The following NOXA1 variants were observed in gnomAD, a reference collection of about 807,000 sequenced individuals.
NOXA1 encodes the protein NADPH oxidase activator 1.
In NOXA1, 56 loss-of-function variants were observed where a neutral mutation model predicts 64.8. The ratio of observed to expected loss-of-function variants is 0.86; its 90% CI spans 0.70 to 1.08. The LOEUF is 1.08. NOXA1 is among the 50% of genes least tolerant of loss of function. NOXA1 has a pLI of 0.00. For missense variants in NOXA1, 668 were observed against 658.5 expected, an observed-to-expected ratio of 1.01 and a Z score of -0.16; for synonymous variants, 295 against 294.8, an observed-to-expected ratio of 1.00 and a Z score of -0.01.
chr9:137,430,881 C>A (rs1465709212), intron 6 of NOXA1, 38 bp downstream of exon 6: 3 of 1,554,310 alleles, frequency 1.9e-6, no homozygotes, highest in Non-Finnish European at 2.6e-6. Context: ...CCTGGCCTCA[C>A]CCAGCTTTCT....
chr9:137,427,244 T>C (rs1288719626), intron 2 of NOXA1, among the ~76,000 whole-genome samples: 1 of 152,164 alleles, frequency 6.6e-6, no homozygotes, highest in Non-Finnish European at 1.5e-5. Context: ...GTGTGAGAAC[T>C]ACGAGCAGAT....
chr9:137,426,205 C>G, intron 1 of NOXA1, 43 bp from the exon 2 acceptor site: 1 of 1,544,950 alleles, frequency 6.5e-7, no homozygotes, highest in East Asian at 2.2e-5. Flanking sequence ...GCTGCGTGAC[C>G]AGGTTACAGA....
rs1021230079 is a variant in NOXA1, at chr9:137,431,173, G to A, written c.699-63G>A. The A allele has an allele frequency of 2.7e-5, 43 of 1,610,740 alleles. No homozygotes were observed. The Admixed American group carries it at 2.7e-4, about 10-fold the overall frequency. On this transcript the variant is annotated intron_variant, in intron 7 of 13. Transcript: ENST00000683555. This position sits in a 1 kb window ranked among gnomAD's most constrained non-coding sequence, Gnocchi z 5.6. Reference sequence around the variant, plus strand: ...GCAGAGGCCCTCCACATGGGGCCACGCGGGCCGGGCACAGGAGGGCAGTCA... The same window carrying A: ...GCAGAGGCCCTCCACATGGGGCCACACGGGCCGGGCACAGGAGGGCAGTCA...
intron 2 of NOXA1, 77 bp from the exon 3 acceptor site, chr9:137,427,956 C>T (rs556331358): frequency 1.3e-4 from 127 of 1,001,840 alleles, no homozygotes; most frequent in African/African-American, 1.1e-3. Flanking sequence ...GCGGCTCGAG[C>T]GGGGCTGGTG....
chr9:137,433,115 G>A (rs1839188003), intron 9 of NOXA1, 41 bp downstream of exon 9: 1 of 1,612,020 alleles, frequency 6.2e-7, no homozygotes, highest in South Asian at 1.1e-5. Context: ...GGTGAAGGAG[G>A]AAGCTGCTGG....
rs1211832331 is a variant in NOXA1, at chr9:137,431,897, A to G, written c.804+556A>G. ...GGCCCAGAGAAGGCACCTGCATTTCACGCTGAGCGCATCTGAGGATGCGAT... is the reference window on the plus strand; with the variant it reads ...GGCCCAGAGAAGGCACCTGCATTTCGCGCTGAGCGCATCTGAGGATGCGAT... On this transcript the variant is annotated intron_variant, in intron 8 of 13. Transcript: ENST00000683555. The surrounding 1 kb of genome is among the most constrained non-coding windows in gnomAD (Gnocchi z 5.6). 6.6e-6 allele frequency among the ~76,000 whole-genome samples: 1 copy of G among 152,142 alleles called. No homozygotes were observed. The highest frequency in any genetic ancestry group is 1.9e-4 in the East Asian group (1 of 5,182).
chr9:137,431,460 G>C lies in NOXA1; in HGVS notation c.804+119G>C. ...GGGAGCAGCTCGCTGGGGGGTAGAC[G>C]GGGCCGGGCTCACCCGTGGTCCTGG... is the stretch of plus-strand genomic sequence containing the variant. On this transcript the variant is annotated intron_variant, in intron 8 of 13. Coordinates refer to ENST00000683555, the MANE Select transcript of NOXA1 (RefSeq NM_001256067.2). The surrounding 1 kb of genome is among the most constrained non-coding windows in gnomAD (Gnocchi z 5.6). 1.2e-6 allele frequency: 1 copy of C among 822,088 alleles called. No homozygotes were observed. The highest frequency in any genetic ancestry group is 1.9e-6 in the Non-Finnish European group (1 of 513,954). The allele number at this position is 822,088 out of a possible 1,614,324, so 50.9% of individuals were successfully genotyped here.
Position 137,431,409 on chromosome 9 carries a change from C to T in NOXA1, c.804+68C>T. ...TCTGCTGCCTCCGCAGACTGGGGAC[C>T]ACAATGGGACCAACATGAGGGTGGA... On this transcript the variant is annotated intron_variant, in intron 8 of 13. Coordinates refer to ENST00000683555, the MANE Select transcript of NOXA1 (RefSeq NM_001256067.2). The surrounding 1 kb of genome is among the most constrained non-coding windows in gnomAD (Gnocchi z 5.6). 7.9e-7 allele frequency: 1 copy of T among 1,269,320 alleles called. No homozygotes were observed. Among genetic ancestry groups the T allele is most frequent in the Non-Finnish European group, 1.1e-6 (1 of 885,818 alleles). The allele number at this position is 1,269,320 out of a possible 1,614,324, so 78.6% of individuals were successfully genotyped here. A position where few individuals can be genotyped will look rare whatever the true frequency, so the allele number is the denominator to read the frequency against.
At chr9:137,427,295 G>A (rs1311740089) in intron 2 of NOXA1, among the ~76,000 whole-genome samples, 3 of 152,196 alleles carry the variant, frequency 2.0e-5, no homozygotes, top group East Asian at 1.9e-4. Flanking sequence ...GGGGTAAGAC[G>A]TAGGTGCGTA....
rs749914569 is a variant in NOXA1, at chr9:137,423,553, G to A, written c.24G>A (p.Val8=). MASLGDL[V]RAWHLGAQAV... The stretch of plus-strand genomic sequence containing the variant: ...CCATGGCCTCTCTGGGGGACCTGGT[G>A]CGCGCCTGGCACCTGGGCGCGCAGG... Residue 8 remains valine, a synonymous_variant, in exon 1 of 14, where the codon GTG becomes GTA. Transcript: ENST00000683555. 14 of 1,445,838 alleles carry A rather than the reference G, an allele frequency of 9.7e-6. No individual in the cohort carries two copies. The highest frequency in any genetic ancestry group is 2.0e-4 in the Middle Eastern group (1 of 5,022). The allele number at this position is 1,445,838 out of a possible 1,614,324, so 89.6% of individuals were successfully genotyped here.
At chr9:137,428,449 T>C (rs1414286099) in intron 3 of NOXA1, among the ~76,000 whole-genome samples, 1 of 151,616 alleles carries the variant, frequency 6.6e-6, no homozygotes, top group Admixed American at 6.6e-5. Context: ...AGCCCTTTCC[T>C]GGCTGCCTGG....
chr9:137,434,066 C>T lies in NOXA1; in HGVS notation c.1281C>T (p.Asp427=), dbSNP rs375584272. The change falls in exon 13 of 14, where the codon GAC becomes GAT. Residue 427 remains aspartate (D), a synonymous_variant. Transcript: ENST00000683555. ...GCTTCCGACAGGGGGACACGGTGGACGTCCTGTGTGAAGGTAGGGTGGGCA... is the reference window on the plus strand; with the variant it reads ...GCTTCCGACAGGGGGACACGGTGGATGTCCTGTGTGAAGGTAGGGTGGGCA... The part of the protein sequence containing the change: ...DLGFRQGDTV[D]VLCEVDQAWL... 6.2e-4 allele frequency: 988 copies of T among 1,581,098 alleles called. 12 individuals carry two copies. The South Asian group carries it at 7.8e-3, about 13-fold the overall frequency.
chr9:137,429,069 T>G, intron 4 of NOXA1, 53 bp downstream of exon 4: 1 of 1,476,066 alleles, frequency 6.8e-7, no homozygotes, highest in Non-Finnish European at 9.0e-7. Flanking sequence ...CCAAAGCTCC[T>G]CAAGACCAAT....
Position 137,433,494 on chromosome 9 carries a change from C to T in NOXA1, c.951C>T (p.Thr317=), listed in dbSNP as rs980512190. 18 of 1,603,934 alleles carry T rather than the reference C, an allele frequency of 1.1e-5. No homozygotes were observed. The highest frequency in any genetic ancestry group is 1.4e-5 in the Non-Finnish European group (17 of 1,178,840). The change falls in exon 11 of 14, where the codon ACC becomes ACT. Residue 317 remains threonine (T), a synonymous_variant. Transcript: ENST00000683555. The part of the protein sequence containing the change: ...AGGSEPLVTV[T]VQCAFTVALR... ...GCTCCGAGCCCCTGGTGACTGTCAC[C>T]GTGCAGTGCGCCTTCACAGTGGCCC...
chr9:137,433,004 C>T (rs1423645347), intron 8 of NOXA1, 25 bp from the exon 9 acceptor site: 2 of 1,611,876 alleles, frequency 1.2e-6, no homozygotes, highest in Admixed American at 1.7e-5. Context: ...CGCCCCAGCC[C>T]ACCCAGCCTG....
rs1838954788 is a variant in NOXA1, at chr9:137,428,766, G to A, written c.370-116G>A. On this transcript the variant is annotated intron_variant, in intron 3 of 13. Transcript: ENST00000683555. Reference sequence around the variant, plus strand: ...TGGGGGGATGGGGGAGGGGCCAGGTGGGGGGACTGGGGGAGGGGCTGGGTG... The same window carrying A: ...TGGGGGGATGGGGGAGGGGCCAGGTAGGGGGACTGGGGGAGGGGCTGGGTG... The A allele has an allele frequency of 8.7e-6, 9 of 1,031,428 alleles. No homozygotes were observed. The Admixed American group carries it at 1.6e-4, about 18-fold the overall frequency. The allele number at this position is 1,031,428 out of a possible 1,614,324, so 63.9% of individuals were successfully genotyped here. A position where few individuals can be genotyped will look rare whatever the true frequency, so the allele number is the denominator to read the frequency against.
rs1409216554 is a variant in NOXA1, at chr9:137,428,099, C to T, written c.327C>T (p.Asp109=). Residue 109 remains aspartate (D), a synonymous_variant, in exon 3 of 14, where the codon GAC becomes GAT. Coordinates refer to ENST00000683555, the MANE Select transcript of NOXA1 (RefSeq NM_001256067.2). ...LEQLRGHAAI[D]YTQLGLRFKL... ...AGCTGAGGGGCCACGCTGCCATCGA[C>T]TACACGCAGCTGGGCCTGCGGTTCA... 2 of 1,583,628 alleles carry T rather than the reference C, an allele frequency of 1.3e-6. No individual in the cohort carries two copies. The highest frequency in any genetic ancestry group is 1.2e-5 in the South Asian group (1 of 86,700).
intron 5 of NOXA1, among the ~76,000 whole-genome samples, chr9:137,429,943 TG>T (rs1839023520): frequency 1.3e-5 from 1 of 77,338 alleles, no homozygotes; most frequent in African/African-American, 5.4e-5. Context: ...CCCGGGGGGG[TG>T]CCTGTGTCCC....
At chr9:137,428,547 T>G (rs1245770109) in intron 3 of NOXA1, among the ~76,000 whole-genome samples, 1 of 151,656 alleles carries the variant, frequency 6.6e-6, no homozygotes, top group Non-Finnish European at 1.5e-5. Context: ...GGGAATAGCA[T>G]TGTCTTTTAG....
Sources: gnomAD v4.1 joint callset for allele counts (sites outside exome capture counted in the v4.1 genomes callset) on GRCh38, gnomAD v4.1.1 for gene constraint, Gnocchi (gnomAD v3.1) non-coding constraint, MANE v1.5 for transcripts, NCBI Gene and HGNC (gene_info 2026-07-23, HGNC 2026-07-21) for gene names.